ZNF804B: variants seen among roughly 807,000 people sequenced by gnomAD.
ZNF804B encodes zinc finger 804B.
In ZNF804B, 80 loss-of-function variants were observed where a neutral mutation model predicts 101.4. The ratio of observed to expected loss-of-function variants is 0.79; its 90% confidence interval spans 0.66 to 0.95. ZNF804B has a LOEUF of 0.95. Ranked by LOEUF, ZNF804B falls within the 40% of genes least tolerant of loss-of-function variation. The pLI is 0.00. For synonymous variants in ZNF804B, 622 were observed against 558.8 expected (o/e 1.11, Z -1.59); for missense variants, 1,673 against 1,561.9 (o/e 1.07, Z -1.20).
chr7:88,810,668 T>TA (rs56788857), intron 1 of ZNF804B, among the ~76,000 whole-genome samples: 55,923 of 145,760 alleles, frequency 0.38, 10,829 homozygotes, highest in East Asian at 0.51. Context: ...GTCTCACATT[T>TA]AAAAAAAAAA....
In ZNF804B at chr7:89,228,119, T is replaced by A. The variant is rs567932819; in HGVS notation, c.249+9824T>A. Among the ~76,000 whole-genome samples, 9 of 152,174 alleles carry A rather than the reference T, an allele frequency of 5.9e-5. No homozygotes were observed. In the East Asian group the frequency reaches 1.7e-3, roughly 30 times the overall value. ...CACGTCTGGAGTTTGTTCCTTCTGA[T>A]GTTCGGATGTGTTTGGAGTTTCTTC... On this transcript the variant is annotated intron_variant, in intron 2 of 3. Coordinates refer to ENST00000333190, the MANE Select transcript of ZNF804B (RefSeq NM_181646.5).
intron 1 of ZNF804B, among the ~76,000 whole-genome samples, chr7:89,078,054 A>G (rs1244781707): frequency 2.0e-5 from 3 of 152,136 alleles, no homozygotes; most frequent in East Asian, 1.9e-4. Context: ...AAAAAATTCT[A>G]TGGCTACTGA....
At position 89,250,313 on chromosome 7, in the gene ZNF804B, A is replaced by C. The variant is rs139140034; in HGVS notation, c.249+32018A>C. Reference sequence around the variant, plus strand: ...CAGATATTGTTATGAACACTCCCATACACACAAATTAGGAAATCTAGAGAA... The same window carrying C: ...CAGATATTGTTATGAACACTCCCATCCACACAAATTAGGAAATCTAGAGAA... On this transcript the variant is annotated intron_variant, in intron 2 of 3. Transcript: ENST00000333190. Among the ~76,000 whole-genome samples the C allele has an allele frequency of 6.8e-3, 1,039 of 152,262 alleles. 16 individuals are homozygous for C. The highest frequency in any genetic ancestry group is 0.024 in the African/African-American group (1,001 of 41,556).
intron 1 of ZNF804B, among the ~76,000 whole-genome samples, chr7:89,125,739 C>A (rs999072877): frequency 8.6e-5 from 13 of 151,992 alleles, no homozygotes; most frequent in African/African-American, 3.1e-4. Flanking sequence ...ACAACAGTAG[C>A]CTGTCTATGC....
chr7:88,846,988 T>C (rs1159493406), intron 1 of ZNF804B, among the ~76,000 whole-genome samples: 7 of 151,852 alleles, frequency 4.6e-5, no homozygotes, highest in Non-Finnish European at 8.8e-5. Flanking sequence ...ACAGTAATTA[T>C]TGTTCCAGAA....
chr7:89,081,527 T>A (rs143997588), intron 1 of ZNF804B, among the ~76,000 whole-genome samples: 1 of 151,752 alleles, frequency 6.6e-6, no homozygotes, highest in African/African-American at 2.4e-5. Flanking sequence ...ATAAGCACAA[T>A]ACATGGCACA....
At chr7:89,323,634 C>G (rs1444583716) in intron 2 of ZNF804B, among the ~76,000 whole-genome samples, 1 of 152,014 alleles carries the variant, frequency 6.6e-6, no homozygotes, top group Non-Finnish European at 1.5e-5. Flanking sequence ...GATAAGAATG[C>G]AAGGTATTGT....
chr7:88,896,184 T>C (rs1053186656), intron 1 of ZNF804B, among the ~76,000 whole-genome samples: 1 of 152,192 alleles, frequency 6.6e-6, no homozygotes, highest in East Asian at 1.9e-4. Context: ...AGTGTAACCA[T>C]GTGAAAAACT....
intron 1 of ZNF804B, among the ~76,000 whole-genome samples, chr7:88,817,754 TA>T (rs1212958281): frequency 6.6e-6 from 1 of 152,186 alleles, no homozygotes; most frequent in African/African-American, 2.4e-5. Context: ...TGATTTCCAG[TA>T]ACATTTTTAA....
At position 89,116,492 on chromosome 7, in the gene ZNF804B, G is replaced by A. The variant is rs547117962; in HGVS notation, c.109-101663G>A. Reference sequence around the variant, plus strand: ...CGTGTTTTGAGTCTTCATGAACCCTGTGAGAAAGTAACTAACCTACAACTA... The same window carrying A: ...CGTGTTTTGAGTCTTCATGAACCCTATGAGAAAGTAACTAACCTACAACTA... On this transcript the variant is annotated intron_variant, in intron 1 of 3. Coordinates refer to ENST00000333190, the MANE Select transcript of ZNF804B (RefSeq NM_181646.5). Among the ~76,000 whole-genome samples the A allele has an allele frequency of 3.9e-5, 6 of 152,252 alleles. No individual in the cohort carries two copies. The East Asian group carries it at 9.7e-4, about 24-fold the overall frequency.
chr7:88,916,993 G>A (rs562707756), intron 1 of ZNF804B, among the ~76,000 whole-genome samples: 26 of 152,126 alleles, frequency 1.7e-4, no homozygotes, highest in African/African-American at 5.1e-4. Flanking sequence ...GGCTGGGTGC[G>A]GTGGCTCACG....
chr7:88,960,119 T>C (rs560604755), intron 1 of ZNF804B, among the ~76,000 whole-genome samples: 5 of 151,616 alleles, frequency 3.3e-5, no homozygotes, highest in African/African-American at 1.2e-4. Flanking sequence ...GTACAAATTA[T>C]TACATAAATT....
intron 1 of ZNF804B, among the ~76,000 whole-genome samples, chr7:89,017,096 C>A (rs1338461632): frequency 2.0e-5 from 3 of 152,150 alleles, no homozygotes; most frequent in East Asian, 1.9e-4. Flanking sequence ...CTCTTTGAAG[C>A]AATTGTGAAT....
chr7:89,092,824 A>T (rs1223317637), intron 1 of ZNF804B, among the ~76,000 whole-genome samples: 1 of 152,202 alleles, frequency 6.6e-6, no homozygotes, highest in Non-Finnish European at 1.5e-5. Flanking sequence ...AAAAGATGGT[A>T]CAGTTCATCT....
At chr7:89,208,112 CT>C (rs1788742900) in intron 1 of ZNF804B, among the ~76,000 whole-genome samples, 1 of 142,322 alleles carries the variant, frequency 7.0e-6, no homozygotes, top group African/African-American at 2.6e-5. Flanking sequence ...GACAGAGTCT[CT>C]CTCTGTCGTC....
chr7:88,922,232 A>G (rs1792729291), intron 1 of ZNF804B, among the ~76,000 whole-genome samples: 1 of 152,068 alleles, frequency 6.6e-6, no homozygotes, highest in Non-Finnish European at 1.5e-5. Flanking sequence ...TTTTATCGCT[A>G]TTAGCTTTTA....
At chr7:88,898,211 C>T (rs1047994586) in intron 1 of ZNF804B, among the ~76,000 whole-genome samples, 1 of 151,220 alleles carries the variant, frequency 6.6e-6, no homozygotes, top group Non-Finnish European at 1.5e-5. Flanking sequence ...CTCAGCCTCC[C>T]GAGTAGCTGG....
At chr7:88,817,380 T>TG (rs966746657) in intron 1 of ZNF804B, among the ~76,000 whole-genome samples, 1 of 151,648 alleles carries the variant, frequency 6.6e-6, no homozygotes, top group Non-Finnish European at 1.5e-5. Context: ...TAAAGTATAA[T>TG]AAAAAAATTA....
intron 1 of ZNF804B, among the ~76,000 whole-genome samples, chr7:88,808,734 T>C (rs866309551): frequency 5.3e-5 from 8 of 152,182 alleles, no homozygotes; most frequent in African/African-American, 1.9e-4. Flanking sequence ...GAGCAATGAC[T>C]CAACATATCA....
Sources: gnomAD v4.1 joint callset for allele counts (sites outside exome capture counted in the v4.1 genomes callset) on GRCh38, gnomAD v4.1.1 for gene constraint, MANE v1.5 for transcripts, NCBI Gene and HGNC (gene_info 2026-07-23, HGNC 2026-07-21) for gene names.